Variants in RSPH14 observed in about 807,000 individuals in gnomAD.
The protein encoded by RSPH14 is rhabdoid tumor deletion region gene 1.
A neutral mutation model predicts 26.7 loss-of-function variants in RSPH14; 20 were observed. The ratio of observed to expected loss-of-function variants is 0.75; its 90% CI spans 0.53 to 1.09. RSPH14 has a LOEUF of 1.09. Ranked by LOEUF, RSPH14 falls within the 50% of genes least tolerant of loss-of-function variation. The pLI is 0.00. For synonymous variants in RSPH14, 177 were observed against 189.3 expected, an observed-to-expected ratio of 0.93 and a Z score of 0.53; for missense variants, 449 against 457.2, an observed-to-expected ratio of 0.98 and a Z score of 0.16.
chr22:23,174,140 G>A, the RSPH14 span, among the ~76,000 whole-genome samples: 35 of 152,146 alleles, frequency 2.3e-4, no homozygotes, highest in Non-Finnish European at 3.7e-4. Context: ...TAAAGGGAAA[G>A]GGTGGCCTCC....
the RSPH14 span, among the ~76,000 whole-genome samples, chr22:23,171,852 A>C: frequency 1.8e-4 from 15 of 81,550 alleles, no homozygotes; most frequent in Non-Finnish European, 3.2e-4. Flanking sequence ...CAAAAAAAAA[A>C]AACAAAAAAA....
chr22:23,097,090 C>A (rs1305684160), intron 4 of RSPH14, among the ~76,000 whole-genome samples: 1 of 152,106 alleles, frequency 6.6e-6, no homozygotes, highest in Non-Finnish European at 1.5e-5. Flanking sequence ...CCGTGGCAGG[C>A]AAGGGAGGGG....
chr22:23,091,026 C>A (rs936883822), intron 4 of RSPH14, among the ~76,000 whole-genome samples: 1 of 152,200 alleles, frequency 6.6e-6, no homozygotes, highest in African/African-American at 2.4e-5. Flanking sequence ...GCTGGTTCCT[C>A]CTCTCCAGGG....
intron 4 of RSPH14, 68 bp from the exon 5 acceptor site, chr22:23,064,201 G>A: frequency 1.4e-6 from 2 of 1,469,762 alleles, no homozygotes; most frequent in Non-Finnish European, 1.9e-6. Context: ...CAGTTGGCCT[G>A]CAGGGCTCAA....
Position 23,059,643 on chromosome 22 carries a change from C to A in RSPH14, c.866G>T (p.Arg289Leu), listed in dbSNP as rs758268674. The A allele has an allele frequency of 6.2e-7, 1 of 1,605,896 alleles. No homozygotes were observed. Among genetic ancestry groups the A allele is most frequent in the Non-Finnish European group, 8.5e-7 (1 of 1,175,894 alleles). The stretch of plus-strand genomic sequence containing the variant: ...GGTAAGGGCCTTGGTGGCATTCAGG[C>A]GCGCTATGGTCATGGGGGAGTGCAG... ...ELLHSPMTIA[R>L]LNATKALTML... The change falls in exon 7 of 7, where the codon CGC becomes CTC. Residue 289 changes from arginine to leucine, a missense_variant. Physicochemically the swap from Arg to Leu is moderately radical, Grantham distance 102. Coordinates refer to ENST00000216036, the MANE Select transcript of RSPH14 (RefSeq NM_014433.3).
chr22:23,146,446 A>C (rs2070777917), upstream of RSPH14, among the ~76,000 whole-genome samples: 1 of 151,752 alleles, frequency 6.6e-6, no homozygotes. Context: ...TCCTGGGCCC[A>C]AGTGATCCTC....
chr22:23,122,916 G>C (rs2070072958), intron 4 of RSPH14, among the ~76,000 whole-genome samples: 1 of 152,228 alleles, frequency 6.6e-6, no homozygotes, highest in African/African-American at 2.4e-5. Flanking sequence ...ATTTCCGTGG[G>C]AGGTGGGTGA....
intron 4 of RSPH14, among the ~76,000 whole-genome samples, chr22:23,081,938 A>T (rs976364015): frequency 2.0e-5 from 3 of 151,694 alleles, no homozygotes; most frequent in Non-Finnish European, 4.4e-5. Context: ...ATCCTGGCTA[A>T]CACAGTGAAA....
chr22:23,096,514 A>G (rs1251350771), intron 4 of RSPH14: 2 of 1,308,526 alleles, frequency 1.5e-6, no homozygotes, highest in East Asian at 2.3e-5. Flanking sequence ...CTGCAGCCAG[A>G]AAGGGAACCA....
the RSPH14 span, chr22:23,150,119 C>G: frequency 1.1e-5 from 18 of 1,612,432 alleles, no homozygotes; most frequent in Non-Finnish European, 1.4e-5. Context: ...GGCAGGTCAG[C>G]GCTGCCTGCC....
intron 6 of RSPH14, among the ~76,000 whole-genome samples, chr22:23,060,526 C>T (rs990202091): frequency 3.3e-5 from 5 of 152,040 alleles, no homozygotes; most frequent in Non-Finnish European, 7.4e-5. Context: ...ATTTCTTGAG[C>T]ACCTACTCTG....
chr22:23,075,041 C>G (rs1219379790), intron 4 of RSPH14, among the ~76,000 whole-genome samples: 5 of 152,204 alleles, frequency 3.3e-5, no homozygotes, highest in African/African-American at 1.2e-4. Flanking sequence ...AGAACAGCAA[C>G]AGCAGAGCAT....
chr22:23,113,023 G>C (rs1225960723), intron 4 of RSPH14, among the ~76,000 whole-genome samples: 1 of 152,164 alleles, frequency 6.6e-6, no homozygotes, highest in Non-Finnish European at 1.5e-5. Flanking sequence ...AAGGGGACCT[G>C]CTCTGAGCAT....
At chr22:23,133,296 C>A (rs1303895313) in intron 4 of RSPH14, among the ~76,000 whole-genome samples, 3 of 152,170 alleles carry the variant, frequency 2.0e-5, no homozygotes, top group Non-Finnish European at 2.9e-5. Context: ...AGTAATACAT[C>A]CCACACGTAA....
rs758842290 is a variant in RSPH14, at chr22:23,134,098, G to A, written c.349C>T (p.Leu117=). Residue 117 remains leucine (L), a synonymous_variant, in exon 4 of 7, where the codon CTG becomes TTG. Transcript: ENST00000216036. ...HDIVLALSFL[L]NDPSPVCRGN... ...CGGCAGACTGGGCTGGGGTCATTCA[G>A]CAGGAAGGACAGGGCAAGGACGATG... is the stretch of plus-strand genomic sequence containing the variant. The A allele has an allele frequency of 5.6e-6, 9 of 1,613,446 alleles. No homozygotes were observed. The highest frequency in any genetic ancestry group is 7.6e-6 in the Non-Finnish European group (9 of 1,179,632).
the RSPH14 span, among the ~76,000 whole-genome samples, chr22:23,168,498 A>G: frequency 9.5e-6 from 1 of 105,614 alleles, no homozygotes; most frequent in South Asian, 3.0e-4. Flanking sequence ...GCTCCCCGCC[A>G]CACACACACA....
At chr22:23,172,613 A>T in the RSPH14 span, among the ~76,000 whole-genome samples, 1 of 150,160 alleles carries the variant, frequency 6.7e-6, no homozygotes, top group South Asian at 2.1e-4. Flanking sequence ...CTGAGGCAGG[A>T]AATGGTATGA....
chr22:23,151,231 G>A, the RSPH14 span, among the ~76,000 whole-genome samples: 1 of 152,200 alleles, frequency 6.6e-6, no homozygotes, highest in African/African-American at 2.4e-5. Context: ...GGCATCTGTT[G>A]GGGAATGCTG....
At chr22:23,130,497 A>AG (rs10684885) in intron 4 of RSPH14, among the ~76,000 whole-genome samples, 2 of 778 alleles carry the variant, frequency 2.6e-3, no homozygotes, top group African/African-American at 0.01. Context: ...AAGGAAAGAA[A>AG]AAGAAAGAAA....
Sources: allele counts gnomAD v4.1 joint callset (sites outside exome capture counted in the v4.1 genomes callset), GRCh38; gene constraint gnomAD v4.1.1; transcripts MANE v1.5; gene names NCBI Gene and HGNC (gene_info 2026-07-23, HGNC 2026-07-21).